NOVA2: variants seen among roughly 807,000 people sequenced by gnomAD.
NOVA2 encodes the protein RNA-binding protein Nova-2.
NOVA2 carries 9 observed loss-of-function variants against 22.5 expected under a neutral mutation model. The ratio of observed to expected loss-of-function variants is 0.40; its 90% CI spans 0.24 to 0.70. The LOEUF is 0.70. Ranked by LOEUF, NOVA2 falls within the 30% of genes least tolerant of loss-of-function variation. The pLI is 0.38. For missense variants in NOVA2, 383 were observed against 682.8 expected, an observed-to-expected ratio of 0.56 and a Z score of 4.89; for synonymous variants, 318 against 335.2, an observed-to-expected ratio of 0.95 and a Z score of 0.56.
intron 1 of NOVA2, 38 bp from the exon 2 acceptor site, chr19:45,961,191 G>C: frequency 6.5e-7 from 1 of 1,540,848 alleles, no homozygotes. Flanking sequence ...GTCAGCGGGG[G>C]AGGGGTCTTC....
chr19:45,950,345 G>A (rs1967906039), intron 3 of NOVA2, among the ~76,000 whole-genome samples: 1 of 151,784 alleles, frequency 6.6e-6, no homozygotes, highest in Non-Finnish European at 1.5e-5. Context: ...ATTTTTAGTA[G>A]AGATGGGGTT....
chr19:45,957,917 T>A (rs1968028749), intron 2 of NOVA2, among the ~76,000 whole-genome samples: 1 of 151,552 alleles, frequency 6.6e-6, no homozygotes, highest in South Asian at 2.1e-4. Context: ...GCCAATATGG[T>A]GAAACCCTGT....
At chr19:45,951,638 G>A (rs77229265) in intron 3 of NOVA2, among the ~76,000 whole-genome samples, 4 of 112,778 alleles carry the variant, frequency 3.5e-5, no homozygotes, top group Admixed American at 8.8e-5. Context: ...AAAAAGAAAA[G>A]AAAAAAAAAT....
intron 3 of NOVA2, among the ~76,000 whole-genome samples, chr19:45,952,553 T>A (rs538923770): frequency 6.6e-6 from 1 of 152,314 alleles, no homozygotes; most frequent in East Asian, 1.9e-4. Context: ...CAGGCACAGA[T>A]GGTGCTGACC....
At chr19:45,963,683 C>T (rs2146424891) in intron 1 of NOVA2, among the ~76,000 whole-genome samples, 1 of 151,944 alleles carries the variant, frequency 6.6e-6, no homozygotes, top group African/African-American at 2.4e-5. Context: ...AGGTGCCCAC[C>T]ACCACGCCCA....
chr19:45,950,622 A>G (rs1041001909), intron 3 of NOVA2, among the ~76,000 whole-genome samples: 1 of 152,216 alleles, frequency 6.6e-6, no homozygotes, highest in Non-Finnish European at 1.5e-5. Context: ...GAATCCCAGG[A>G]CATTAGAACA....
At position 45,935,101 on chromosome 19, in the gene NOVA2, G is replaced by A. The variant is rs1400007234; in HGVS notation, c.*4762C>T. The A allele has an allele frequency of 1.3e-5, 2 of 149,554 alleles. No homozygotes were observed. Among genetic ancestry groups the A allele is most frequent in the Non-Finnish European group, 3.0e-5 (2 of 67,346 alleles). The allele number at this position is 149,554 out of a possible 1,614,324, so 9.3% of individuals were successfully genotyped here. The stretch of plus-strand genomic sequence containing the variant: ...GGTGATGGAGTCACTTAGAAGATGA[G>A]AGGTTGGTGGTTTTGGGGGGAGAGG... On this transcript the variant is annotated 3_prime_UTR_variant, in exon 4 of 4. Coordinates refer to ENST00000263257, the MANE Select transcript of NOVA2 (RefSeq NM_002516.4).
At chr19:45,960,843 C>T (rs1022627627) in intron 2 of NOVA2, among the ~76,000 whole-genome samples, 167 bp downstream of exon 2, 1 of 152,168 alleles carries the variant, frequency 6.6e-6, no homozygotes, top group Admixed American at 6.5e-5. Flanking sequence ...CTCGGCCAGG[C>T]CCCTCGGGCT....
Position 45,936,298 on chromosome 19 carries a change from T to C in NOVA2, c.*3565A>G, listed in dbSNP as rs999567804. On this transcript the variant is annotated 3_prime_UTR_variant, in exon 4 of 4. Coordinates refer to ENST00000263257, the MANE Select transcript of NOVA2 (RefSeq NM_002516.4). ...AGGAAGTTGGCAAGTGGGATTCTCC[T>C]TGGCTGGTGGAATTTGGGGGGACCC... 6.6e-6 allele frequency: 1 copy of C among 152,058 alleles called. No homozygotes were observed. The highest frequency in any genetic ancestry group is 2.4e-5 in the African/African-American group (1 of 41,412). The allele number at this position is 152,058 out of a possible 1,614,324, so 9.4% of individuals were successfully genotyped here.
At chr19:45,956,398 G>A (rs564797761) in intron 2 of NOVA2, among the ~76,000 whole-genome samples, 2 of 152,210 alleles carry the variant, frequency 1.3e-5, no homozygotes, top group South Asian at 4.1e-4. Flanking sequence ...GGGGAGGTTG[G>A]TTAAGCCCCA....
At position 45,940,760 on chromosome 19, in the gene NOVA2, G is replaced by A; in HGVS notation, c.582C>T (p.Ser194=). 1.9e-6 allele frequency: 3 copies of A among 1,609,222 alleles called. No homozygotes were observed. Among genetic ancestry groups the A allele is most frequent in the Non-Finnish European group, 1.7e-6 (2 of 1,179,888 alleles). Residue 194 remains serine, a synonymous_variant, in exon 4 of 4, where the codon AGC becomes AGT. Coordinates refer to ENST00000263257, the MANE Select transcript of NOVA2 (RefSeq NM_002516.4). Reference sequence around the variant, plus strand: ...CTTCTTGTACCTTCTGCACGATGGCGCTCACGGCCTTGTGCACCTGCTCGG... The same window carrying A: ...CTTCTTGTACCTTCTGCACGATGGCACTCACGGCCTTGTGCACCTGCTCGG... The part of the protein sequence containing the change: ...GEPEQVHKAV[S]AIVQKVQEDP...
intron 3 of NOVA2, among the ~76,000 whole-genome samples, chr19:45,948,599 C>CAAAAAA (rs1227808626): frequency 2.8e-5 from 2 of 72,690 alleles, no homozygotes; most frequent in Non-Finnish European, 5.6e-5. Context: ...GACTCTGTCT[C>CAAAAAA]AAAAAAAAAA....
intron 3 of NOVA2, among the ~76,000 whole-genome samples, chr19:45,951,482 G>T (rs1289310587): frequency 6.6e-6 from 1 of 152,090 alleles, no homozygotes; most frequent in Non-Finnish European, 1.5e-5. Flanking sequence ...GCCAGGCATG[G>T]TAACAGGTGC....
Position 45,973,358 on chromosome 19 carries a change from G to A in NOVA2, c.-7C>T, listed in dbSNP as rs745350202. On this transcript the variant is annotated 5_prime_UTR_variant, in exon 1 of 4. Transcript: ENST00000263257. Reference sequence around the variant, plus strand: ...CCGGGGCCTCGGGCTCCATGGGGGGGGCCTGGGGCGGCGGCTGCTGCTGCT... The same window carrying A: ...CCGGGGCCTCGGGCTCCATGGGGGGAGCCTGGGGCGGCGGCTGCTGCTGCT... 7.8e-6 allele frequency: 8 copies of A among 1,028,872 alleles called. No individual in the cohort carries two copies. Among genetic ancestry groups the A allele is most frequent in the South Asian group, 4.3e-5 (1 of 23,408 alleles). The allele number at this position is 1,028,872 out of a possible 1,614,324, so 63.7% of individuals were successfully genotyped here.
chr19:45,962,516 C>T (rs901805568), intron 1 of NOVA2: 1 of 152,636 alleles, frequency 6.6e-6, no homozygotes, highest in African/African-American at 2.4e-5. Flanking sequence ...TTAACACCCT[C>T]CACTCCTGGG....
chr19:45,949,739 G>GTTT (rs558656536), intron 3 of NOVA2, among the ~76,000 whole-genome samples: 4 of 119,636 alleles, frequency 3.3e-5, no homozygotes, highest in Admixed American at 1.7e-4. Flanking sequence ...ATCGTAGGTT[G>GTTT]TTTTTTTTTT....
At chr19:45,957,880 C>T (rs1047790725) in intron 2 of NOVA2, among the ~76,000 whole-genome samples, 13 of 151,656 alleles carry the variant, frequency 8.6e-5, no homozygotes, top group Admixed American at 2.0e-4. Flanking sequence ...GGGTGGATCG[C>T]GAGGTCAGGA....
At chr19:45,952,204 AC>A (rs1967936773) in intron 3 of NOVA2, among the ~76,000 whole-genome samples, 2 of 152,178 alleles carry the variant, frequency 1.3e-5, no homozygotes, top group South Asian at 4.1e-4. Flanking sequence ...TTTGGGGCTA[AC>A]TTTCTATGCA....
In NOVA2 at chr19:45,940,891, C is replaced by A; in HGVS notation, c.451G>T (p.Ala151Ser). 1 of 1,605,400 alleles carries A rather than the reference C, an allele frequency of 6.2e-7. No homozygotes were observed. Among genetic ancestry groups the A allele is most frequent in the Non-Finnish European group, 8.5e-7 (1 of 1,179,892 alleles). The change falls in exon 4 of 4, where the codon GCC (alanine) becomes TCC (serine). Residue 151 changes from alanine (A) to serine (S), a missense_variant. Physicochemically the swap from Ala to Ser is moderately conservative, Grantham distance 99. Transcript: ENST00000263257. Reference sequence around the variant, plus strand: ...TGTTCCATCACGGCTTTCACCGTGGCGCCTCCCTTGCCGATGATCAGGCCC... The same window carrying A: ...TGTTCCATCACGGCTTTCACCGTGGAGCCTCCCTTGCCGATGATCAGGCCC... ...TAGLIIGKGG[A>S]TVKAVMEQSG...
Sources: gnomAD v4.1 joint callset for allele counts (sites outside exome capture counted in the v4.1 genomes callset) on GRCh38, gnomAD v4.1.1 for gene constraint, MANE v1.5 for transcripts, NCBI Gene and HGNC (gene_info 2026-07-23, HGNC 2026-07-21) for gene names.